CNTN5: variants seen among roughly 807,000 people sequenced by gnomAD.
The protein encoded by CNTN5 is contactin 5.
CNTN5 carries 77 observed loss-of-function variants against 129.1 expected under a neutral mutation model. The observed-to-expected ratio is 0.60, with a 90% CI of 0.50 to 0.72. The LOEUF (loss-of-function observed/expected upper bound fraction) is 0.72. Among genes scored for constraint, CNTN5 ranks in the 30% least tolerant of loss-of-function variants. The probability of loss-of-function intolerance (pLI) is 0.00; values close to 1 mark genes in which losing one functional copy is unlikely to be tolerated. For missense variants in CNTN5, 1,478 were observed against 1,328.8 expected (o/e 1.11, Z -1.75); for synonymous variants, 509 against 465.6 (o/e 1.09, Z -1.20).
chr11:99,111,685 C>T (rs12575370), intron 1 of CNTN5, among the ~76,000 whole-genome samples: 37,079 of 151,640 alleles, frequency 0.24, 4,945 homozygotes, highest in Middle Eastern at 0.31. Context: ...AATGTTTGCA[C>T]TGGAGTTTAT....
At chr11:100,077,523 T>G (rs2137907411) in intron 13 of CNTN5, among the ~76,000 whole-genome samples, 1 of 152,096 alleles carries the variant, frequency 6.6e-6, no homozygotes, top group Non-Finnish European at 1.5e-5. Flanking sequence ...AATAGTATAT[T>G]ATGAAAGAGA....
At chr11:99,786,253 C>T (rs1945519565) in intron 3 of CNTN5, among the ~76,000 whole-genome samples, 1 of 152,080 alleles carries the variant, frequency 6.6e-6, no homozygotes, top group Admixed American at 6.5e-5. Flanking sequence ...CTCCCATTCA[C>T]AACTGCTACA....
intron 10 of CNTN5, among the ~76,000 whole-genome samples, chr11:100,065,270 C>G (rs1943654319): frequency 6.6e-6 from 1 of 152,040 alleles, no homozygotes; most frequent in Non-Finnish European, 1.5e-5. Flanking sequence ...ATTGTAAGCT[C>G]TTTCAAAATA....
At chr11:99,759,007 T>C (rs1944491079) in intron 3 of CNTN5, among the ~76,000 whole-genome samples, 1 of 152,086 alleles carries the variant, frequency 6.6e-6, no homozygotes, top group Admixed American at 6.6e-5. Context: ...GCTGGAGAAC[T>C]GAGGAAATTA....
intron 3 of CNTN5, among the ~76,000 whole-genome samples, chr11:99,716,041 A>G (rs1955206497): frequency 6.6e-6 from 1 of 151,998 alleles, no homozygotes; most frequent in East Asian, 1.9e-4. Flanking sequence ...AAAGTTTGGA[A>G]GATTTTCTTA....
chr11:100,214,741 A>G (rs1478763317), intron 15 of CNTN5, among the ~76,000 whole-genome samples: 2 of 152,184 alleles, frequency 1.3e-5, no homozygotes, highest in African/African-American at 4.8e-5. Context: ...GCTTTAGTTA[A>G]CAGCAGTACC....
At chr11:99,224,650 A>G (rs1860578854) in intron 1 of CNTN5, among the ~76,000 whole-genome samples, 1 of 120,694 alleles carries the variant, frequency 8.3e-6, no homozygotes, top group Admixed American at 9.9e-5. Context: ...TCGTCTCCCA[A>G]GGTTGCATTT....
intron 1 of CNTN5, among the ~76,000 whole-genome samples, chr11:99,071,472 C>T (rs909766837): frequency 6.6e-6 from 1 of 152,030 alleles, no homozygotes; most frequent in African/African-American, 2.4e-5. Flanking sequence ...TAAACAGAAA[C>T]ATCAATAGAA....
intron 16 of CNTN5, among the ~76,000 whole-genome samples, chr11:100,250,266 C>A (rs1446397296): frequency 6.6e-6 from 1 of 151,968 alleles, no homozygotes; most frequent in South Asian, 2.1e-4. Flanking sequence ...AAACTTAAAT[C>A]GCATCTCCGT....
intron 2 of CNTN5, among the ~76,000 whole-genome samples, chr11:99,443,867 A>G (rs1042172657): frequency 6.6e-6 from 1 of 152,192 alleles, no homozygotes; most frequent in Non-Finnish European, 1.5e-5. Context: ...AAGCAGGACT[A>G]TTTTTGAATC....
chr11:99,803,787 C>T (rs937827311), intron 3 of CNTN5, among the ~76,000 whole-genome samples: 1 of 152,182 alleles, frequency 6.6e-6, no homozygotes, highest in African/African-American at 2.4e-5. Flanking sequence ...GTTTCACTTA[C>T]TTTTATGAGC....
chr11:99,151,936 G>T (rs184770760), intron 1 of CNTN5, among the ~76,000 whole-genome samples: 2 of 152,198 alleles, frequency 1.3e-5, no homozygotes, highest in African/African-American at 4.8e-5. Context: ...GGGTTGATGG[G>T]TGCAGCAAAC....
intron 3 of CNTN5, among the ~76,000 whole-genome samples, chr11:99,772,835 A>T (rs1276280261): frequency 6.6e-6 from 1 of 152,088 alleles, no homozygotes; most frequent in Non-Finnish European, 1.5e-5. Flanking sequence ...GCACACATAC[A>T]CACACCCACA....
At chr11:99,825,393 TTTG>T (rs1290811823) in intron 4 of CNTN5, among the ~76,000 whole-genome samples, 1 of 152,030 alleles carries the variant, frequency 6.6e-6, no homozygotes, top group African/African-American at 2.4e-5. Flanking sequence ...ATTTGATAAT[TTTG>T]TTGTTTCAAA....
intron 3 of CNTN5, among the ~76,000 whole-genome samples, chr11:99,727,033 G>C (rs1370875290): frequency 6.6e-6 from 1 of 151,198 alleles, no homozygotes; most frequent in Non-Finnish European, 1.5e-5. Context: ...ATGGCCGGGC[G>C]CGGTGGCTCA....
intron 2 of CNTN5, among the ~76,000 whole-genome samples, chr11:99,359,899 A>C (rs927894876): frequency 2.0e-5 from 3 of 152,150 alleles, no homozygotes; most frequent in African/African-American, 7.2e-5. Context: ...AAAAAACTTA[A>C]AGGCAGAATG....
intron 1 of CNTN5, among the ~76,000 whole-genome samples, chr11:99,213,057 G>A (rs1859888950): frequency 6.6e-6 from 1 of 151,608 alleles, no homozygotes; most frequent in South Asian, 2.1e-4. Flanking sequence ...TGGGCGTGGT[G>A]GCACACACCT....
chr11:100,243,114 C>A (rs952972954), intron 16 of CNTN5, among the ~76,000 whole-genome samples: 1 of 152,188 alleles, frequency 6.6e-6, no homozygotes, highest in African/African-American at 2.4e-5. Context: ...TCACCCTGTT[C>A]TTTGTAGTGT....
intron 3 of CNTN5, among the ~76,000 whole-genome samples, chr11:99,778,662 C>G (rs925129673): frequency 3.3e-5 from 5 of 151,578 alleles, no homozygotes; most frequent in African/African-American, 1.2e-4. Flanking sequence ...ATTGAGAAAG[C>G]AACCAGATAC....
Sources: gnomAD v4.1 joint callset for allele counts (sites outside exome capture counted in the v4.1 genomes callset) on GRCh38, gnomAD v4.1.1 for gene constraint, MANE v1.5 for transcripts, NCBI Gene and HGNC (gene_info 2026-07-23, HGNC 2026-07-21) for gene names.